ANKRD44: variants seen among roughly 807,000 people sequenced by gnomAD.
ANKRD44 encodes the protein ankyrin repeat domain 44, also known as serine/threonine-protein phosphatase 6 regulatory ankyrin repeat subunit B.
ANKRD44 carries 35 observed loss-of-function variants against 116.0 expected under a neutral mutation model. The observed-to-expected ratio is 0.30, with a 90% CI of 0.23 to 0.40. The LOEUF (loss-of-function observed/expected upper bound fraction) is 0.40, where lower values mean the gene tolerates loss of function less well. Ranked by LOEUF, ANKRD44 falls within the 10% of genes least tolerant of loss-of-function variation. ANKRD44 has a pLI of 1.00. For missense variants in ANKRD44, 1,014 were observed against 1,242.6 expected (o/e 0.82, Z 2.77); for synonymous variants, 435 against 461.8 (o/e 0.94, Z 0.74).
chr2:196,970,609 T>C (rs913478766), intron 21 of ANKRD44, among the ~76,000 whole-genome samples: 1 of 152,000 alleles, frequency 6.6e-6, no homozygotes, highest in South Asian at 2.1e-4. Flanking sequence ...CCAATCCTTA[T>C]TTATGCATTC....
chr2:197,239,490 A>G (rs1428744756), intron 1 of ANKRD44, among the ~76,000 whole-genome samples: 3 of 152,192 alleles, frequency 2.0e-5, no homozygotes, highest in African/African-American at 7.2e-5. Flanking sequence ...TTGGCCTCCC[A>G]AAGTGCTGGG....
chr2:196,967,223 C>T (rs2075678558), exon 22 of ANKRD44: 1 of 234,396 alleles, frequency 4.3e-6, no homozygotes, highest in South Asian at 5.5e-5. Context: ...GAGGAATTTC[C>T]AGTATCTTGT....
chr2:197,013,850 T>G, intron 17 of ANKRD44, 138 bp from the exon 18 acceptor site: 2 of 791,938 alleles, frequency 2.5e-6, no homozygotes, highest in Non-Finnish European at 4.1e-6. Context: ...CTTGGAATAT[T>G]TATTAAAACT....
chr2:197,010,320 C>T (rs546449502), intron 18 of ANKRD44, among the ~76,000 whole-genome samples: 4 of 152,034 alleles, frequency 2.6e-5, no homozygotes, highest in South Asian at 2.1e-4. Flanking sequence ...CCACAGGCGG[C>T]GCTTTCTCTG....
At chr2:197,123,683 C>A (rs568041639) in intron 6 of ANKRD44, among the ~76,000 whole-genome samples, 1 of 152,028 alleles carries the variant, frequency 6.6e-6, no homozygotes, top group Non-Finnish European at 1.5e-5. Flanking sequence ...ACCTTTATTT[C>A]GGGACTGAAG....
At chr2:197,251,320 A>G (rs1211143958) in intron 1 of ANKRD44, among the ~76,000 whole-genome samples, 1 of 152,230 alleles carries the variant, frequency 6.6e-6, no homozygotes, top group African/African-American at 2.4e-5. Context: ...TAACAGCACA[A>G]TAAATATCTT....
At chr2:197,163,024 T>A (rs1419908409) in intron 2 of ANKRD44, among the ~76,000 whole-genome samples, 1 of 151,852 alleles carries the variant, frequency 6.6e-6, no homozygotes, top group African/African-American at 2.4e-5. Context: ...AATGGCTTGG[T>A]TTTTTTTGTG....
chr2:197,243,209 A>G (rs2082125530), intron 1 of ANKRD44, among the ~76,000 whole-genome samples: 1 of 152,236 alleles, frequency 6.6e-6, no homozygotes, highest in African/African-American at 2.4e-5. Flanking sequence ...CATTTACTAT[A>G]CATATATGGT....
At chr2:197,281,878 T>A (rs2083274745) in intron 1 of ANKRD44, among the ~76,000 whole-genome samples, 1 of 152,170 alleles carries the variant, frequency 6.6e-6, no homozygotes, top group Non-Finnish European at 1.5e-5. Context: ...AGTGAACTTT[T>A]TATATTGTGA....
At chr2:197,106,808 T>TTA (rs1559067547) in intron 9 of ANKRD44, among the ~76,000 whole-genome samples, 1 of 70,624 alleles carries the variant, frequency 1.4e-5, no homozygotes, top group South Asian at 5.0e-4. Flanking sequence ...ATATATATAT[T>TTA]TTTTTTTTTT....
intron 21 of ANKRD44, among the ~76,000 whole-genome samples, chr2:196,978,164 A>C (rs923452041): frequency 6.6e-6 from 1 of 152,174 alleles, no homozygotes; most frequent in African/African-American, 2.4e-5. Context: ...TCATGGAGGC[A>C]GATCCCTCAT....
At chr2:197,096,317 A>T (rs2078159288) in intron 10 of ANKRD44, among the ~76,000 whole-genome samples, 1 of 152,244 alleles carries the variant, frequency 6.6e-6, no homozygotes. Flanking sequence ...AATGAATGTC[A>T]GAGCCAGTTA....
chr2:197,028,365 G>A (rs2124865097), intron 16 of ANKRD44, among the ~76,000 whole-genome samples: 1 of 152,278 alleles, frequency 6.6e-6, no homozygotes, highest in Non-Finnish European at 1.5e-5. Context: ...TGGGACTACA[G>A]GCACAAGTCA....
intron 1 of ANKRD44, chr2:197,250,879 T>A (rs2082300768): frequency 6.6e-6 from 1 of 152,172 alleles, no homozygotes; most frequent in Admixed American, 6.5e-5. Flanking sequence ...ACAGAATTCA[T>A]TTTGGGTGGT....
intron 1 of ANKRD44, among the ~76,000 whole-genome samples, chr2:197,251,544 G>A (rs928154151): frequency 3.9e-5 from 6 of 152,160 alleles, no homozygotes; most frequent in African/African-American, 1.2e-4. Context: ...TAGTTTAATA[G>A]CCATAAAATG....
chr2:197,068,744 A>C (rs1031229622), intron 16 of ANKRD44, among the ~76,000 whole-genome samples: 2 of 152,340 alleles, frequency 1.3e-5, no homozygotes, highest in Admixed American at 6.5e-5. Context: ...TCAAAACCAC[A>C]ATGAGATACC....
chr2:197,116,491 T>C (rs779006134), intron 8 of ANKRD44, among the ~76,000 whole-genome samples: 5 of 152,174 alleles, frequency 3.3e-5, no homozygotes, highest in Non-Finnish European at 7.3e-5. Flanking sequence ...CACGCAAAGA[T>C]TCCTTACCAA....
At chr2:197,059,578 A>G (rs976120397) in intron 16 of ANKRD44, among the ~76,000 whole-genome samples, 1 of 152,228 alleles carries the variant, frequency 6.6e-6, no homozygotes, top group Non-Finnish European at 1.5e-5. Flanking sequence ...TCAAGTAAGT[A>G]GGTAAAGAAA....
intron 1 of ANKRD44, among the ~76,000 whole-genome samples, chr2:197,224,572 TA>T (rs879730991): frequency 6.6e-6 from 1 of 152,232 alleles, no homozygotes; most frequent in Admixed American, 6.5e-5. Flanking sequence ...TTTGTATATT[TA>T]AATTTCTAAT....
Sources: gnomAD v4.1 joint callset for allele counts (sites outside exome capture counted in the v4.1 genomes callset) on GRCh38, gnomAD v4.1.1 for gene constraint, MANE v1.5 for transcripts, NCBI Gene and HGNC (gene_info 2026-07-23, HGNC 2026-07-21) for gene names.